The following LDLRAD3 variants were observed in gnomAD, a reference collection of about 807,000 sequenced individuals.
The protein encoded by LDLRAD3 is low density lipoprotein receptor class A domain containing 3.
Under a neutral mutation model 29.4 loss-of-function variants are expected in LDLRAD3, and 20 were observed. The ratio of observed to expected loss-of-function variants is 0.68; its 90% CI spans 0.48 to 0.99. LDLRAD3 has a LOEUF of 0.99. Ranked by LOEUF, LDLRAD3 falls within the 50% of genes least tolerant of loss-of-function variation. The pLI is 0.00. For missense variants in LDLRAD3, 420 were observed against 454.3 expected (o/e 0.92, Z 0.69); for synonymous variants, 157 against 192.7 (o/e 0.81, Z 1.53).
intron 1 of LDLRAD3, among the ~76,000 whole-genome samples, chr11:36,006,555 C>T (rs1037293046): frequency 1.6e-4 from 24 of 152,344 alleles, no homozygotes; most frequent in Admixed American, 1.5e-3. Flanking sequence ...ATAGCTGCTG[C>T]AGTTCCTAGT....
rs1338797509 is a variant in LDLRAD3, at chr11:36,214,323, T to C, written c.455-12762T>C. 2.6e-5 allele frequency among the ~76,000 whole-genome samples: 4 copies of C among 152,178 alleles called. 1 individual carries two copies. Among genetic ancestry groups the C allele is most frequent in the Admixed American group, 2.6e-4 (4 of 15,276 alleles). ...CCAGGTCCAGTCTGCAGGGTTGGCC[T>C]GGAGTGACTATGTCAAGGCACCATC... On this transcript the variant is annotated intron_variant, in intron 4 of 5. Coordinates refer to ENST00000315571, the MANE Select transcript of LDLRAD3 (RefSeq NM_174902.4).
Position 35,982,609 on chromosome 11 carries a change from C to T in LDLRAD3, c.46+38465C>T, listed in dbSNP as rs147946510. Among the ~76,000 whole-genome samples the T allele has an allele frequency of 5.8e-3, 882 of 152,240 alleles. 7 individuals carry two copies. Among genetic ancestry groups the T allele is most frequent in the Non-Finnish European group, 6.9e-3 (469 of 68,024 alleles). On this transcript the variant is annotated intron_variant, in intron 1 of 5. Coordinates refer to ENST00000315571, the MANE Select transcript of LDLRAD3 (RefSeq NM_174902.4). Reference sequence around the variant, plus strand: ...AAGCCATGGACTTACTGTGCATGCCCAGAAGGTGTGCCTTTTAAAAATCCA... The same window carrying T: ...AAGCCATGGACTTACTGTGCATGCCTAGAAGGTGTGCCTTTTAAAAATCCA...
At chr11:36,057,584 C>T (rs1321509153) in intron 2 of LDLRAD3, among the ~76,000 whole-genome samples, 1 of 152,140 alleles carries the variant, frequency 6.6e-6, no homozygotes, top group East Asian at 1.9e-4. Flanking sequence ...TATTACTTGG[C>T]CTTGAAGCGG....
At chr11:35,949,019 ACT>A (rs1851097582) in intron 1 of LDLRAD3, among the ~76,000 whole-genome samples, 6 of 151,730 alleles carry the variant, frequency 4.0e-5, no homozygotes, top group Admixed American at 2.0e-4. Flanking sequence ...GTGCATCATT[ACT>A]GTGCATCATT....
intron 4 of LDLRAD3, among the ~76,000 whole-genome samples, chr11:36,215,741 T>A (rs1043232672): frequency 5.3e-5 from 8 of 152,156 alleles, no homozygotes; most frequent in Admixed American, 5.2e-4. Flanking sequence ...AAGCTCCCCC[T>A]TGGGAGCCCT....
chr11:35,991,820 G>A (rs1851693631), intron 1 of LDLRAD3, among the ~76,000 whole-genome samples: 1 of 151,482 alleles, frequency 6.6e-6, no homozygotes, highest in African/African-American at 2.4e-5. Flanking sequence ...AGCTACAATT[G>A]TAGGAGTCAC....
intron 2 of LDLRAD3, among the ~76,000 whole-genome samples, chr11:36,051,926 C>T (rs1852534666): frequency 6.6e-6 from 1 of 152,134 alleles, no homozygotes; most frequent in East Asian, 1.9e-4. Context: ...TCACATTACT[C>T]ATTTGTTAAT....
chr11:35,969,064 C>T (rs1161542792), intron 1 of LDLRAD3, among the ~76,000 whole-genome samples: 2 of 152,156 alleles, frequency 1.3e-5, no homozygotes, highest in African/African-American at 4.8e-5. Context: ...ATCCACATGC[C>T]TCAGACTGGG....
intron 4 of LDLRAD3, among the ~76,000 whole-genome samples, chr11:36,098,799 T>G (rs1853403218): frequency 1.3e-5 from 2 of 152,372 alleles, no homozygotes; most frequent in South Asian, 2.1e-4. Context: ...TCCAGGTTGT[T>G]TCTTTCCCTT....
At chr11:35,959,489 T>C (rs1851248907) in intron 1 of LDLRAD3, among the ~76,000 whole-genome samples, 1 of 152,238 alleles carries the variant, frequency 6.6e-6, no homozygotes, top group African/African-American at 2.4e-5. Flanking sequence ...CTTTAAAATA[T>C]ATTTTTAATT....
chr11:36,206,958 C>T (rs775249207), intron 4 of LDLRAD3, among the ~76,000 whole-genome samples: 5 of 152,052 alleles, frequency 3.3e-5, no homozygotes, highest in Admixed American at 6.6e-5. Flanking sequence ...AAACTCTTGA[C>T]CTCGTGATAC....
intron 1 of LDLRAD3, among the ~76,000 whole-genome samples, chr11:35,953,678 A>G (rs948725350): frequency 1.3e-5 from 2 of 152,136 alleles, no homozygotes; most frequent in African/African-American, 4.8e-5. Context: ...CTCTTGATTG[A>G]TTTGGAAAGT....
chr11:36,140,245 A>G (rs1854061523), intron 4 of LDLRAD3, among the ~76,000 whole-genome samples: 1 of 152,208 alleles, frequency 6.6e-6, no homozygotes, highest in Non-Finnish European at 1.5e-5. Flanking sequence ...CACTTCTTCT[A>G]GTAGGCAGGG....
At chr11:36,215,675 G>A (rs1311024501) in intron 4 of LDLRAD3, among the ~76,000 whole-genome samples, 1 of 152,158 alleles carries the variant, frequency 6.6e-6, no homozygotes, top group African/African-American at 2.4e-5. Context: ...TTGGGTCAGG[G>A]TCGTTGTGTT....
chr11:36,062,444 C>T (rs185775485), intron 2 of LDLRAD3, among the ~76,000 whole-genome samples: 3 of 152,236 alleles, frequency 2.0e-5, no homozygotes, highest in Admixed American at 1.3e-4. Flanking sequence ...ATCACTGACA[C>T]GACGATTATT....
At chr11:36,143,058 G>C (rs1854110154) in intron 4 of LDLRAD3, among the ~76,000 whole-genome samples, 1 of 152,196 alleles carries the variant, frequency 6.6e-6, no homozygotes, top group Non-Finnish European at 1.5e-5. Context: ...TATGCTAAGT[G>C]CTTAACATTG....
chr11:36,032,911 G>C (rs1309392269), intron 1 of LDLRAD3, among the ~76,000 whole-genome samples: 1 of 150,812 alleles, frequency 6.6e-6, no homozygotes, highest in African/African-American at 2.4e-5. Flanking sequence ...TTTTGCTCTT[G>C]TTGCCCAGGC....
intron 1 of LDLRAD3, among the ~76,000 whole-genome samples, chr11:35,989,527 G>A (rs907975418): frequency 6.6e-6 from 1 of 152,114 alleles, no homozygotes; most frequent in African/African-American, 2.4e-5. Flanking sequence ...TTGTTTGTTT[G>A]TTTGTGTCTA....
chr11:36,169,445 A>T (rs1854563750), intron 4 of LDLRAD3, among the ~76,000 whole-genome samples: 1 of 151,738 alleles, frequency 6.6e-6, no homozygotes, highest in Non-Finnish European at 1.5e-5. Flanking sequence ...TCCCAGCCTC[A>T]CCCCTGCCAC....
Sources: gnomAD v4.1 joint callset for allele counts (sites outside exome capture counted in the v4.1 genomes callset) on GRCh38, gnomAD v4.1.1 for gene constraint, MANE v1.5 for transcripts, NCBI Gene and HGNC (gene_info 2026-07-23, HGNC 2026-07-21) for gene names.